The following PDPK1 variants were observed in gnomAD, a reference collection of about 807,000 sequenced individuals.
PDPK1 encodes the protein 3-phosphoinositide-dependent protein kinase 1.
A neutral mutation model predicts 39.8 loss-of-function variants in PDPK1; 7 were observed. The ratio of observed to expected loss-of-function variants is 0.18; its 90% CI spans 0.10 to 0.33. The LOEUF is 0.33. PDPK1 is among the 10% of genes least tolerant of loss of function. PDPK1 has a pLI of 1.00. For missense variants in PDPK1, 182 were observed against 384.7 expected, an observed-to-expected ratio of 0.47 and a Z score of 4.41; for synonymous variants, 118 against 159.1, an observed-to-expected ratio of 0.74 and a Z score of 1.95.
intron 1 of PDPK1, among the ~76,000 whole-genome samples, chr16:2,542,092 G>A (rs1162852279): frequency 3.3e-5 from 5 of 152,204 alleles, no homozygotes; most frequent in African/African-American, 1.2e-4. Flanking sequence ...AGGTCATTTA[G>A]AATGTGTTAA....
At chr16:2,546,153 G>A (rs1215598334) in intron 1 of PDPK1, among the ~76,000 whole-genome samples, 3 of 151,708 alleles carry the variant, frequency 2.0e-5, no homozygotes, top group African/African-American at 7.3e-5. Flanking sequence ...GCGCGATCTC[G>A]GCTCACTGCA....
intron 1 of PDPK1, among the ~76,000 whole-genome samples, chr16:2,545,533 T>C (rs1020885938): frequency 3.3e-5 from 5 of 151,912 alleles, no homozygotes; most frequent in African/African-American, 1.2e-4. Context: ...CTGGCTCTGT[T>C]CCCCAGGCTG....
Position 2,597,050 on chromosome 16 carries a change from C to G in PDPK1, c.1402-73C>G. ...GTCCTGAGCAGCTCCGAGGGGCCGC[C>G]CAGCCCTCTAGGCTCCAGGAGATGC... is the stretch of plus-strand genomic sequence containing the variant. On this transcript the variant is annotated intron_variant, in intron 12 of 13. Coordinates refer to ENST00000342085, the MANE Select transcript of PDPK1 (RefSeq NM_002613.5). This position sits in a 1 kb window ranked among gnomAD's most constrained non-coding sequence, Gnocchi z 6.3. The G allele has an allele frequency of 7.7e-7, 1 of 1,302,442 alleles. No homozygotes were observed. The highest frequency in any genetic ancestry group is 1.0e-6 in the Non-Finnish European group (1 of 954,552). 80.7% of individuals were successfully genotyped at this position (1,302,442 alleles called of 1,614,324 possible). A position where few individuals can be genotyped will look rare whatever the true frequency, so the allele number is the denominator to read the frequency against.
intron 11 of PDPK1, among the ~76,000 whole-genome samples, chr16:2,594,946 C>A (rs372379814): frequency 1.3e-5 from 2 of 152,106 alleles, no homozygotes; most frequent in Non-Finnish European, 2.9e-5. Flanking sequence ...ACGGTGAAAC[C>A]CCGTCTCTAC....
chr16:2,594,317 G>A (rs181299627), intron 11 of PDPK1: 1 of 152,334 alleles, frequency 6.6e-6, no homozygotes, highest in African/African-American at 2.4e-5. Context: ...GGCCTAGGTG[G>A]GTGGATCACA....
chr16:2,544,725 A>G (rs2066306295), intron 1 of PDPK1, among the ~76,000 whole-genome samples: 1 of 150,494 alleles, frequency 6.6e-6, no homozygotes, highest in South Asian at 2.1e-4. Context: ...CTGGGACCAC[A>G]GGCGCCTGCC....
At chr16:2,552,135 CT>C (rs1331251361) in intron 1 of PDPK1, among the ~76,000 whole-genome samples, 1 of 150,700 alleles carries the variant, frequency 6.6e-6, no homozygotes, top group East Asian at 1.9e-4. Flanking sequence ...TGCCTGGCTA[CT>C]TTTTATATAT....
intron 1 of PDPK1, chr16:2,539,361 T>G (rs2066201396): frequency 6.6e-6 from 1 of 152,454 alleles, no homozygotes; most frequent in Admixed American, 6.5e-5. Context: ...ATTACAGGCG[T>G]GAGCCACCAC....
intron 1 of PDPK1, among the ~76,000 whole-genome samples, chr16:2,544,353 A>G (rs757628204): frequency 2.6e-5 from 4 of 152,206 alleles, no homozygotes; most frequent in South Asian, 2.1e-4. Flanking sequence ...TGAGGACCAC[A>G]CATTGAGCTA....
chr16:2,588,314 C>T (rs1403724635), intron 11 of PDPK1, among the ~76,000 whole-genome samples: 2 of 152,278 alleles, frequency 1.3e-5, no homozygotes, highest in Admixed American at 6.5e-5. Context: ...CAATCTGAGC[C>T]GTGCTGTGCT....
chr16:2,544,830 C>A (rs1212552634), intron 1 of PDPK1, among the ~76,000 whole-genome samples: 1 of 152,098 alleles, frequency 6.6e-6, no homozygotes, highest in African/African-American at 2.4e-5. Flanking sequence ...GTGATCCGCC[C>A]ACCTCGGCCT....
At chr16:2,595,324 C>T (rs549169513) in intron 11 of PDPK1, among the ~76,000 whole-genome samples, 18 of 152,334 alleles carry the variant, frequency 1.2e-4, no homozygotes, top group East Asian at 5.8e-4. Flanking sequence ...TGATTATAAA[C>T]GGCTCTGTGG....
At position 2,602,966 on chromosome 16, in the gene PDPK1, G is replaced by A. The variant is rs1016176078; in HGVS notation, c.*5199G>A. 3.5e-5 allele frequency: 8 copies of A among 231,604 alleles called. No homozygotes were observed. The highest frequency in any genetic ancestry group is 1.3e-3 in the Middle Eastern group (1 of 780). The allele number at this position is 231,604 out of a possible 1,614,324, so 14.3% of individuals were successfully genotyped here. On this transcript the variant is annotated 3_prime_UTR_variant, in exon 14 of 14. Coordinates refer to ENST00000342085, the MANE Select transcript of PDPK1 (RefSeq NM_002613.5). The stretch of plus-strand genomic sequence containing the variant: ...GGGCCACGTTGTTGTATGTATTGAT[G>A]TACAGCCTTGAATGTGAATAATTAT...
In PDPK1 at chr16:2,552,108, A is replaced by G. The variant is rs1332330230; in HGVS notation, c.25-5595A>G. 2.0e-5 allele frequency among the ~76,000 whole-genome samples: 3 copies of G among 151,238 alleles called. 1 individual carries two copies. The highest frequency in any genetic ancestry group is 4.4e-5 in the Non-Finnish European group (3 of 67,878). On this transcript the variant is annotated intron_variant, in intron 1 of 13. Transcript: ENST00000342085. ...CTCAGCCTCACAGGTAGCTAGGACT[A>G]TAGGCACACGCCACTATGCCTGGCT...
rs1447888786 is a variant in PDPK1 at position 2,593,775 on chromosome 16, G to C, written c.1344-2018G>C. 1 of 152,914 alleles carries C rather than the reference G, an allele frequency of 6.5e-6. No homozygotes were observed. Among genetic ancestry groups the C allele is most frequent in the Non-Finnish European group, 1.5e-5 (1 of 68,550 alleles). 9.5% of individuals were successfully genotyped at this position (152,914 alleles called of 1,614,324 possible). On this transcript the variant is annotated intron_variant, in intron 11 of 13. Transcript: ENST00000342085. The surrounding 1 kb of genome is among the most constrained non-coding windows in gnomAD (Gnocchi z 4.2). ...TGCGCTGTTGCCTGGTCACAGGCCT[G>C]TCTGTCAGAGTGGCTTCCTGCCGGC... is the stretch of plus-strand genomic sequence containing the variant.
chr16:2,540,236 G>A (rs1171408373), intron 1 of PDPK1, among the ~76,000 whole-genome samples: 2 of 152,302 alleles, frequency 1.3e-5, no homozygotes, highest in Non-Finnish European at 2.9e-5. Flanking sequence ...GTGTGTCCGC[G>A]TGGACAGCCA....
Position 2,593,373 on chromosome 16 carries a change from C to T in PDPK1, c.1344-2420C>T, listed in dbSNP as rs1386717730. The T allele has an allele frequency of 1.5e-5, 5 of 331,360 alleles. No individual in the cohort carries two copies. Among genetic ancestry groups the T allele is most frequent in the South Asian group, 2.3e-5 (1 of 42,830 alleles). 20.5% of individuals were successfully genotyped at this position (331,360 alleles called of 1,614,324 possible). A position where few individuals can be genotyped will look rare whatever the true frequency, so the allele number is the denominator to read the frequency against. ...GGCTGTATCTGGAAGTCCTTTCCCG[C>T]CCCAGCTGTGGTCCTGGTGGTTTTT... On this transcript the variant is annotated intron_variant, in intron 11 of 13. Coordinates refer to ENST00000342085, the MANE Select transcript of PDPK1 (RefSeq NM_002613.5). The surrounding 1 kb of genome is among the most constrained non-coding windows in gnomAD (Gnocchi z 4.2).
At chr16:2,585,941 C>T (rs1285824668) in intron 10 of PDPK1, among the ~76,000 whole-genome samples, 3 of 152,238 alleles carry the variant, frequency 2.0e-5, no homozygotes, top group Non-Finnish European at 4.4e-5. Context: ...TCCTTGGCCT[C>T]CACAGAGCTC....
At chr16:2,558,607 C>T (rs1350959464) in intron 2 of PDPK1, among the ~76,000 whole-genome samples, 4 of 149,352 alleles carry the variant, frequency 2.7e-5, no homozygotes, top group Non-Finnish European at 4.4e-5. Context: ...GTTTTGCTGA[C>T]GTGGGACCCA....
Sources: gnomAD v4.1 joint callset for allele counts (sites outside exome capture counted in the v4.1 genomes callset) on GRCh38, gnomAD v4.1.1 for gene constraint, Gnocchi (gnomAD v3.1) non-coding constraint, MANE v1.5 for transcripts, NCBI Gene and HGNC (gene_info 2026-07-23, HGNC 2026-07-21) for gene names.